The following C2orf80 variants were observed in gnomAD, a reference collection of about 807,000 sequenced individuals.
The protein encoded by C2orf80 is chromosome 2 open reading frame 80, also known as uncharacterized protein C2orf80.
C2orf80 carries 28 observed loss-of-function variants against 30.2 expected under a neutral mutation model. The ratio of observed to expected loss-of-function variants is 0.93; its 90% confidence interval spans 0.69 to 1.27. C2orf80 has a LOEUF of 1.27. Ranked by LOEUF, C2orf80 falls within the 50% of genes most tolerant of loss-of-function variation. The probability of loss-of-function intolerance (pLI) is 0.00; values close to 1 mark genes in which losing one functional copy is unlikely to be tolerated. For synonymous variants in C2orf80, 80 were observed against 76.4 expected, an observed-to-expected ratio of 1.05 and a Z score of -0.24; for missense variants, 220 against 231.0, an observed-to-expected ratio of 0.95 and a Z score of 0.31.
chr2:208,173,741 A>G (rs940357342), intron 6 of C2orf80, among the ~76,000 whole-genome samples: 2 of 152,222 alleles, frequency 1.3e-5, no homozygotes, highest in African/African-American at 4.8e-5. Flanking sequence ...ATAGTAATCA[A>G]CACATAATTC....
chr2:208,175,250 A>G (rs1305784572), intron 6 of C2orf80, among the ~76,000 whole-genome samples: 1 of 151,186 alleles, frequency 6.6e-6, no homozygotes, highest in African/African-American at 2.4e-5. Flanking sequence ...AGCCAAGATC[A>G]CACCACTGCA....
At chr2:208,179,559 C>T (rs1458800659) in intron 6 of C2orf80, among the ~76,000 whole-genome samples, 3 of 152,246 alleles carry the variant, frequency 2.0e-5, no homozygotes, top group Non-Finnish European at 4.4e-5. Flanking sequence ...CTTCCCTTTC[C>T]TCTTGCCTCT....
intron 2 of C2orf80, among the ~76,000 whole-genome samples, chr2:208,185,988 C>G (rs1453729439): frequency 6.6e-6 from 1 of 152,158 alleles, no homozygotes; most frequent in Non-Finnish European, 1.5e-5. Context: ...TGACTCGCAT[C>G]AGCATGTCTT....
rs753191714 is a variant in C2orf80, at chr2:208,171,858, G to A, written c.454+130C>T. 226 of 829,892 alleles carry A rather than the reference G, an allele frequency of 2.7e-4. 1 individual carries two copies. Among genetic ancestry groups the A allele is most frequent in the Non-Finnish European group, 3.9e-4 (187 of 475,668 alleles). 51.4% of individuals were successfully genotyped at this position (829,892 alleles called of 1,614,324 possible). A position where few individuals can be genotyped will look rare whatever the true frequency, so the allele number is the denominator to read the frequency against. The stretch of plus-strand genomic sequence containing the variant: ...GGAAATCAAGCCCTAAGAGCCCCTG[G>A]TTCTTTTAAATTCAACCAGACATAG... On this transcript the variant is annotated intron_variant, in intron 7 of 8. Coordinates refer to ENST00000341287, the MANE Select transcript of C2orf80 (RefSeq NM_001099334.3).
At chr2:208,171,181 T>G (rs1165679821) in intron 7 of C2orf80, 118 bp from the exon 8 acceptor site, 2 of 728,256 alleles carry the variant, frequency 2.7e-6, no homozygotes, top group Non-Finnish European at 4.6e-6. Flanking sequence ...GGTCTCACTT[T>G]GTCACTCAGG....
chr2:208,189,441 C>T (rs1326362533), intron 1 of C2orf80, among the ~76,000 whole-genome samples: 1 of 152,166 alleles, frequency 6.6e-6, no homozygotes, highest in Non-Finnish European at 1.5e-5. Flanking sequence ...TCAGAAGACC[C>T]TGTGAGGCCA....
At chr2:208,181,473 T>C (rs1001978774) in intron 4 of C2orf80, among the ~76,000 whole-genome samples, 168 bp from the exon 5 acceptor site, 2 of 152,238 alleles carry the variant, frequency 1.3e-5, no homozygotes, top group Non-Finnish European at 2.9e-5. Context: ...ATCCACACTT[T>C]GAATTTTTAA....
intron 8 of C2orf80, among the ~76,000 whole-genome samples, chr2:208,169,198 C>G (rs1559336480): frequency 1.4e-5 from 2 of 148,000 alleles, no homozygotes; most frequent in Non-Finnish European, 3.0e-5. Context: ...ATGAGGCTTG[C>G]GGGGGGTGTC....
At position 208,175,354 on chromosome 2, in the gene C2orf80, C is replaced by T. The variant is rs181369035; in HGVS notation, c.367-3279G>A. Among the ~76,000 whole-genome samples the T allele has an allele frequency of 6.6e-5, 10 of 152,208 alleles. No individual in the cohort carries two copies. In the East Asian group the frequency reaches 1.7e-3, roughly 26 times the overall value. On this transcript the variant is annotated intron_variant, in intron 6 of 8. Transcript: ENST00000341287. The stretch of plus-strand genomic sequence containing the variant: ...CGGGGCTAGTTGTCAATAACTCTCA[C>T]TTGCGTAAGGTCTTTAGTTGAATTT...
chr2:208,179,660 A>G (rs1343872572), intron 6 of C2orf80, among the ~76,000 whole-genome samples: 5 of 152,002 alleles, frequency 3.3e-5, no homozygotes, highest in Non-Finnish European at 1.5e-5. Context: ...TACATTTACA[A>G]GTGGCAAAAA....
intron 2 of C2orf80, 78 bp downstream of exon 2, chr2:208,186,868 A>C (rs898969052): frequency 7.8e-7 from 1 of 1,281,654 alleles, no homozygotes; most frequent in African/African-American, 1.5e-5. Flanking sequence ...ACCCACTGCC[A>C]ATACCCAAGC....
intron 4 of C2orf80, among the ~76,000 whole-genome samples, chr2:208,181,906 ATTGT>A (rs995289118): frequency 1.3e-5 from 2 of 152,172 alleles, no homozygotes; most frequent in Admixed American, 6.5e-5. Context: ...TCCAGATGAC[ATTGT>A]TTGAGTTTTG....
chr2:208,189,339 C>A (rs1165316087), intron 1 of C2orf80, among the ~76,000 whole-genome samples: 2 of 152,110 alleles, frequency 1.3e-5, no homozygotes, highest in African/African-American at 4.8e-5. Flanking sequence ...CATCCCCTGC[C>A]CCCACCACCA....
intron 3 of C2orf80, 35 bp from the exon 4 acceptor site, chr2:208,183,082 G>T (rs753456293): frequency 1.9e-6 from 3 of 1,581,460 alleles, no homozygotes; most frequent in Non-Finnish European, 2.6e-6. Context: ...AAAGAAACAG[G>T]CTTAGACATT....
chr2:208,165,621 A>T lies in C2orf80; in HGVS notation c.*186T>A. ...TAAGGTCACAGTTTTTTTTTTTAAG[A>T]AAATGTAGCCATGCAATATGCTTCT... On this transcript the variant is annotated 3_prime_UTR_variant, in exon 9 of 9. Transcript: ENST00000341287. 1 of 619,732 alleles carries T rather than the reference A, an allele frequency of 1.6e-6. No homozygotes were observed. The allele number at this position is 619,732 out of a possible 1,614,324, so 38.4% of individuals were successfully genotyped here. A position where few individuals can be genotyped will look rare whatever the true frequency, so the allele number is the denominator to read the frequency against.
intron 6 of C2orf80, 48 bp from the exon 7 acceptor site, chr2:208,172,123 C>T: frequency 7.2e-7 from 1 of 1,382,336 alleles, no homozygotes; most frequent in South Asian, 1.2e-5. Context: ...TCATCTGCGG[C>T]ATGAACACCT....
chr2:208,188,776 A>G (rs904992023), intron 1 of C2orf80, among the ~76,000 whole-genome samples: 2 of 152,168 alleles, frequency 1.3e-5, no homozygotes, highest in African/African-American at 4.8e-5. Context: ...CTGCTGCTAC[A>G]TCTGCTTTAG....
chr2:208,179,504 G>A (rs1012357621), intron 6 of C2orf80, among the ~76,000 whole-genome samples: 1 of 152,134 alleles, frequency 6.6e-6, no homozygotes, highest in Admixed American at 6.5e-5. Context: ...GAGGACGTTG[G>A]TGCCCCCCTT....
rs1335085908 is a variant in C2orf80 at position 208,176,943 on chromosome 2, G to GTATACATATGTA, written c.366+3801_366+3802insTACATATGTATA. 1.0e-4 allele frequency among the ~76,000 whole-genome samples: 9 copies of GTATACATATGTA among 87,718 alleles called. 1 individual carries two copies. The highest frequency in any genetic ancestry group is 3.8e-4 in the South Asian group (1 of 2,630). The allele number at this position is 87,718 out of a possible 152,430, so 57.5% of individuals were successfully genotyped here. ...TCTGTATACATATGTATACATATCT[G>GTATACATATGTA]TATACATATCTGTATACATATGTAT... On this transcript the variant is annotated intron_variant, in intron 6 of 8. Transcript: ENST00000341287.
Sources: allele counts gnomAD v4.1 joint callset (sites outside exome capture counted in the v4.1 genomes callset), GRCh38; gene constraint gnomAD v4.1.1; transcripts MANE v1.5; gene names NCBI Gene and HGNC (gene_info 2026-07-23, HGNC 2026-07-21).